Variants in KIF26B observed in about 807,000 individuals in gnomAD.
KIF26B encodes the protein kinesin family member 26B, also known as kinesin-like protein KIF26B.
Under a neutral mutation model 151.2 loss-of-function variants are expected in KIF26B, and 63 were observed. The observed-to-expected ratio is 0.42, with a 90% CI of 0.34 to 0.51. The LOEUF is 0.51. Ranked by LOEUF, KIF26B falls within the 20% of genes least tolerant of loss-of-function variation. The pLI is 0.07. For missense variants in KIF26B, 2,813 were observed against 2,913.6 expected (o/e 0.97, Z 0.79); for synonymous variants, 1,357 against 1,262.1 (o/e 1.08, Z -1.59).
chr1:245,334,263 G>A (rs1672178825), intron 2 of KIF26B, among the ~76,000 whole-genome samples: 2 of 152,168 alleles, frequency 1.3e-5, no homozygotes, highest in Non-Finnish European at 2.9e-5. Context: ...CAATCTCATA[G>A]GTGGCTACTA....
chr1:245,327,327 C>G (rs780273278), intron 2 of KIF26B, among the ~76,000 whole-genome samples: 9 of 152,174 alleles, frequency 5.9e-5, no homozygotes, highest in Non-Finnish European at 1.0e-4. Context: ...AAAGACTTCC[C>G]TGATGTAGTG....
chr1:245,539,221 A>G (rs1661548678), intron 4 of KIF26B, among the ~76,000 whole-genome samples: 1 of 152,170 alleles, frequency 6.6e-6, no homozygotes, highest in Non-Finnish European at 1.5e-5. Flanking sequence ...TGGTAACACC[A>G]TTTGCTATAT....
chr1:245,176,578 G>A (rs943377979), intron 2 of KIF26B, among the ~76,000 whole-genome samples: 3 of 152,048 alleles, frequency 2.0e-5, no homozygotes, highest in Non-Finnish European at 1.5e-5. Context: ...AAGATGCCAC[G>A]TGTGAGCCAC....
At chr1:245,521,894 C>T (rs1661119267) in intron 4 of KIF26B, among the ~76,000 whole-genome samples, 2 of 148,340 alleles carry the variant, frequency 1.3e-5, no homozygotes, top group Admixed American at 6.8e-5. Flanking sequence ...GAGATGGAGT[C>T]TTGCTCTGTC....
rs1023186367 is a variant in KIF26B at position 245,318,594 on chromosome 1, G to T, written c.466-48240G>T. On this transcript the variant is annotated intron_variant, in intron 2 of 14. Transcript: ENST00000407071. The surrounding 1 kb of genome is among the most constrained non-coding windows in gnomAD (Gnocchi z 4.0). The stretch of plus-strand genomic sequence containing the variant: ...CTCTGGATGCTAGCCTTTCCAAGCA[G>T]GGACTTTGCTGCGACTCCCTAAGTT... 1.3e-5 allele frequency among the ~76,000 whole-genome samples: 2 copies of T among 152,146 alleles called. No homozygotes were observed. The highest frequency in any genetic ancestry group is 4.8e-5 in the African/African-American group (2 of 41,444).
intron 5 of KIF26B, among the ~76,000 whole-genome samples, chr1:245,594,937 A>G (rs1447028717): frequency 6.6e-6 from 1 of 151,608 alleles, no homozygotes; most frequent in Non-Finnish European, 1.5e-5. Context: ...GCAATTGTGA[A>G]TGGGAGTTCA....
intron 10 of KIF26B, among the ~76,000 whole-genome samples, chr1:245,666,709 A>G (rs1322733429): frequency 6.6e-6 from 1 of 152,024 alleles, no homozygotes; most frequent in Non-Finnish European, 1.5e-5. Context: ...CCTTTTTTAC[A>G]TGCCAGAGGT....
At chr1:245,414,509 C>T (rs1349343211) in intron 3 of KIF26B, among the ~76,000 whole-genome samples, 4 of 152,162 alleles carry the variant, frequency 2.6e-5, no homozygotes, top group African/African-American at 9.7e-5. Context: ...CCCAGGGCCT[C>T]TTTCCTTCAG....
intron 2 of KIF26B, among the ~76,000 whole-genome samples, chr1:245,324,478 T>C (rs1671947419): frequency 6.6e-6 from 1 of 152,194 alleles, no homozygotes; most frequent in South Asian, 2.1e-4. Context: ...TGCCAGAGGC[T>C]CGGGAATCTC....
intron 4 of KIF26B, among the ~76,000 whole-genome samples, chr1:245,469,291 CA>C (rs1446805023): frequency 6.6e-6 from 1 of 152,158 alleles, no homozygotes; most frequent in East Asian, 1.9e-4. Context: ...CAGCGTCACT[CA>C]GGGGAGAATG....
chr1:245,396,593 G>T (rs972463931), intron 3 of KIF26B, among the ~76,000 whole-genome samples: 1 of 151,006 alleles, frequency 6.6e-6, no homozygotes, highest in African/African-American at 2.4e-5. Context: ...CTGAGATGGC[G>T]CCACTGCATT....
chr1:245,608,056 T>C (rs1377100338), intron 7 of KIF26B, among the ~76,000 whole-genome samples: 1 of 152,168 alleles, frequency 6.6e-6, no homozygotes, highest in Non-Finnish European at 1.5e-5. Flanking sequence ...GAGCAGCCGC[T>C]GTTTGGGAAG....
intron 4 of KIF26B, among the ~76,000 whole-genome samples, chr1:245,425,410 G>GT (rs1658619268): frequency 6.6e-6 from 1 of 152,072 alleles, no homozygotes; most frequent in Non-Finnish European, 1.5e-5. Flanking sequence ...CATGGGTTTT[G>GT]TTTTTGTTTT....
chr1:245,388,922 T>C (rs536542150), intron 3 of KIF26B, among the ~76,000 whole-genome samples: 2 of 152,262 alleles, frequency 1.3e-5, no homozygotes, highest in South Asian at 4.1e-4. Context: ...TCTGGGACAG[T>C]AAGCATTGCA....
intron 2 of KIF26B, among the ~76,000 whole-genome samples, chr1:245,326,198 A>T (rs1001802491): frequency 6.6e-6 from 1 of 152,236 alleles, no homozygotes; most frequent in Non-Finnish European, 1.5e-5. Flanking sequence ...ATGTTTTTCA[A>T]ATGTAAACCA....
rs768092443 is a variant in KIF26B at position 245,687,212 on chromosome 1, C to T, written c.4229C>T (p.Pro1410Leu). The change falls in exon 12 of 15, where the codon CCC becomes CTC. Residue 1410 changes from proline to leucine, a missense_variant. Pro to Leu is a moderately conservative substitution (Grantham distance 98). Around this residue, in one of 3 missense-constraint regions of KIF26B, gnomAD observed 2,060 missense variants for 2,088.6 expected, o/e 0.99. Coordinates refer to ENST00000407071, the MANE Select transcript of KIF26B (RefSeq NM_018012.4). This position sits in a 1 kb window ranked among gnomAD's most constrained non-coding sequence, Gnocchi z 4.9. Reference sequence around the variant, plus strand: ...CGGAACATCCAAGAGCCGGAGGCCCCCACCGCCACCCCCAAAGCAGGCCCC... The same window carrying T: ...CGGAACATCCAAGAGCCGGAGGCCCTCACCGCCACCCCCAAAGCAGGCCCC... ...SPRNIQEPEA[P>L]TATPKAGPTL... is the part of the protein sequence containing the mutation. 2.5e-6 allele frequency: 4 copies of T among 1,612,930 alleles called. No homozygotes were observed. The highest frequency in any genetic ancestry group is 1.1e-5 in the South Asian group (1 of 90,944).
At chr1:245,357,536 T>C (rs1401594371) in intron 2 of KIF26B, among the ~76,000 whole-genome samples, 3 of 152,152 alleles carry the variant, frequency 2.0e-5, no homozygotes, top group East Asian at 3.9e-4. Context: ...TAATTCACCA[T>C]GCACATCCAG....
intron 4 of KIF26B, among the ~76,000 whole-genome samples, chr1:245,485,384 C>CTTT (rs367794115): frequency 7.5e-4 from 47 of 62,584 alleles, no homozygotes; most frequent in Non-Finnish European, 1.0e-3. Context: ...TTCCTAGCAT[C>CTTT]ATTTTTTTTT....
Position 245,698,875 on chromosome 1 carries a change from T to C in KIF26B, c.6028-12T>C, listed in dbSNP as rs1342075795. The C allele has an allele frequency of 6.2e-7, 1 of 1,611,746 alleles. No homozygotes were observed. Among genetic ancestry groups the C allele is most frequent in the Admixed American group, 1.7e-5 (1 of 59,934 alleles). ...GCAGAAGGGCCCTTTCTCCTCTCTG[T>C]CTGTGTGCTAGGAGGCCATGTGCTT... On this transcript the variant is annotated splice_polypyrimidine_tract_variant and intron_variant, in intron 13 of 14. Transcript: ENST00000407071. The surrounding 1 kb of genome is among the most constrained non-coding windows in gnomAD (Gnocchi z 4.0).
Sources: gnomAD v4.1 joint callset for allele counts (sites outside exome capture counted in the v4.1 genomes callset) on GRCh38, gnomAD v4.1.1 for gene constraint, gnomAD v4.1.1 regional missense constraint, Gnocchi (gnomAD v3.1) non-coding constraint, MANE v1.5 for transcripts, NCBI Gene and HGNC (gene_info 2026-07-23, HGNC 2026-07-21) for gene names.